The following CREBRF variants were observed in gnomAD, a reference collection of about 807,000 sequenced individuals.
The protein encoded by CREBRF is CREB3 regulatory factor.
CREBRF carries 5 observed loss-of-function variants against 66.1 expected under a neutral mutation model. The observed-to-expected ratio is 0.08, with a 90% CI of 0.04 to 0.16. The LOEUF (loss-of-function observed/expected upper bound fraction) is 0.16. Among genes scored for constraint, CREBRF ranks in the 10% least tolerant of loss-of-function variants. The pLI is 1.00. For missense variants in CREBRF, 531 were observed against 744.9 expected, an observed-to-expected ratio of 0.71 and a Z score of 3.34; for synonymous variants, 229 against 264.4, an observed-to-expected ratio of 0.87 and a Z score of 1.30.
intron 4 of CREBRF, among the ~76,000 whole-genome samples, chr5:173,099,265 C>A (rs970099420): frequency 2.6e-5 from 4 of 152,116 alleles, no homozygotes; most frequent in African/African-American, 7.2e-5. Context: ...AAGCAATCTT[C>A]CCACCTCAGT....
At chr5:173,057,766 A>T (rs1440339400) in intron 1 of CREBRF, 2 of 152,044 alleles carry the variant, frequency 1.3e-5, no homozygotes, top group Non-Finnish European at 2.9e-5. Context: ...TTGTAAAAGA[A>T]AACGGGACTA....
intron 1 of CREBRF, among the ~76,000 whole-genome samples, chr5:173,077,570 T>TA (rs1353978417): frequency 3.3e-5 from 5 of 152,138 alleles, no homozygotes; most frequent in Non-Finnish European, 5.9e-5. Flanking sequence ...TTTTTGTATT[T>TA]TTAGTAGAGA....
chr5:173,105,947 T>A (rs1377694569), intron 4 of CREBRF, among the ~76,000 whole-genome samples: 1 of 152,182 alleles, frequency 6.6e-6, no homozygotes, highest in Non-Finnish European at 1.5e-5. Context: ...CCATTTCTGT[T>A]GGCAACATAT....
Position 173,129,260 on chromosome 5 carries a change from G to T in CREBRF, c.1805-4370G>T, listed in dbSNP as rs577705540. Among the ~76,000 whole-genome samples, 364 of 150,996 alleles carry T rather than the reference G, an allele frequency of 2.4e-3. 1 individual carries two copies. The highest frequency in any genetic ancestry group is 8.0e-3 in the African/African-American group (331 of 41,148). On this transcript the variant is annotated intron_variant, in intron 8 of 8. Transcript: ENST00000296953. ...GCCTCCCGAGTAGCTGGGACTACAG[G>T]CACCTGCCACTGCGCCCGGCTAATT... is the stretch of plus-strand genomic sequence containing the variant.
At chr5:173,059,145 TTAA>T (rs1757179132) in intron 1 of CREBRF, among the ~76,000 whole-genome samples, 1 of 152,100 alleles carries the variant, frequency 6.6e-6, no homozygotes, top group South Asian at 2.1e-4. Context: ...CTCAGTTCTG[TTAA>T]TAATGATACA....
In CREBRF at chr5:173,108,821, AAG is replaced by A. The variant is rs1392984701; in HGVS notation, c.1417+6_1417+7del. 6.2e-7 allele frequency: 1 copy of A among 1,609,122 alleles called. No individual in the cohort carries two copies. Among genetic ancestry groups the A allele is most frequent in the African/African-American group, 1.3e-5 (1 of 74,676 alleles). ...TCAGAAAAATGGCTTACATCATGGT[AAG>A]AGGGGATTGCAGTCAGATATTTAGT... On this transcript the variant is annotated splice_donor_5th_base_variant and intron_variant, in intron 5 of 8. Transcript: ENST00000296953.
chr5:173,098,164 A>G (rs944680797), intron 4 of CREBRF, among the ~76,000 whole-genome samples: 8 of 143,072 alleles, frequency 5.6e-5, no homozygotes, highest in African/African-American at 2.0e-4. Flanking sequence ...ATTTCTACCT[A>G]TTTGTCAATT....
chr5:173,110,746 G>A (rs757904559), intron 6 of CREBRF, 35 bp downstream of exon 6: 15 of 1,539,788 alleles, frequency 9.7e-6, no homozygotes, highest in Non-Finnish European at 1.3e-5. Flanking sequence ...TGTGAAGAAA[G>A]TTTAGGAGGT....
intron 4 of CREBRF, chr5:173,091,813 A>G (rs762231252): frequency 2.3e-5 from 23 of 988,100 alleles, no homozygotes; most frequent in Non-Finnish European, 2.6e-5. Flanking sequence ...GGCCAGGCGC[A>G]GTGGCTCACG....
intron 7 of CREBRF, among the ~76,000 whole-genome samples, chr5:173,120,508 T>G (rs1759113717): frequency 6.6e-6 from 1 of 151,128 alleles, no homozygotes; most frequent in Non-Finnish European, 1.5e-5. Context: ...GTCTCCTGAG[T>G]AGCTGGGATT....
At chr5:173,121,007 T>C (rs909228648) in intron 7 of CREBRF, among the ~76,000 whole-genome samples, 10 of 152,088 alleles carry the variant, frequency 6.6e-5, no homozygotes, top group African/African-American at 2.4e-4. Context: ...TGGCTTCTTA[T>C]GTGGATTTTA....
At chr5:173,107,064 A>G (rs1456587683) in intron 4 of CREBRF, among the ~76,000 whole-genome samples, 1 of 152,090 alleles carries the variant, frequency 6.6e-6, no homozygotes. Context: ...ATATTCTTTT[A>G]TAGTCATCCC....
At chr5:173,115,108 C>CTT (rs751890606) in intron 7 of CREBRF, among the ~76,000 whole-genome samples, 2 of 140,286 alleles carry the variant, frequency 1.4e-5, no homozygotes, top group African/African-American at 2.6e-5. Context: ...TTTTCTTTTT[C>CTT]TTTTTTTTTT....
At chr5:173,098,941 A>G (rs1464776223) in intron 4 of CREBRF, among the ~76,000 whole-genome samples, 1 of 148,594 alleles carries the variant, frequency 6.7e-6, no homozygotes, top group African/African-American at 2.5e-5. Flanking sequence ...GTGCACCAGT[A>G]CTATCACAGC....
rs1045923236 is a variant in CREBRF, at chr5:173,130,534, T to C, written c.1805-3096T>C. 3.9e-5 allele frequency among the ~76,000 whole-genome samples: 6 copies of C among 152,044 alleles called. No individual in the cohort carries two copies. The East Asian group carries it at 9.6e-4, about 24-fold the overall frequency. On this transcript the variant is annotated intron_variant, in intron 8 of 8. Transcript: ENST00000296953. ...CTGTTCTTTAAAATTCATTGCTTTT[T>C]TTTTTTTTAGAAACCAGTCTCGCTC...
In CREBRF at chr5:173,136,969, A is replaced by AT. The variant is rs1284086574; in HGVS notation, c.*3224_*3225insT. The stretch of plus-strand genomic sequence containing the variant: ...GTACTACTATGATTTAAAAAAAAAA[A>AT]AAACCAACAAAAACCTTTTTTCCTA... On this transcript the variant is annotated 3_prime_UTR_variant, in exon 9 of 9. Coordinates refer to ENST00000296953, the MANE Select transcript of CREBRF (RefSeq NM_153607.3). 1 of 152,174 alleles carries AT rather than the reference A, an allele frequency of 6.6e-6. No homozygotes were observed. The allele number at this position is 152,174 out of a possible 1,614,324, so 9.4% of individuals were successfully genotyped here. A position where few individuals can be genotyped will look rare whatever the true frequency, so the allele number is the denominator to read the frequency against.
chr5:173,133,911 T>A lies in CREBRF; in HGVS notation c.*166T>A. ...TAAGTGAAGCATGATCCAAAATACT[T>A]GATTATTGCATTTTCAGAGCATAAA... is the stretch of plus-strand genomic sequence containing the variant. On this transcript the variant is annotated 3_prime_UTR_variant, in exon 9 of 9. Coordinates refer to ENST00000296953, the MANE Select transcript of CREBRF (RefSeq NM_153607.3). 1 of 444,142 alleles carries A rather than the reference T, an allele frequency of 2.3e-6. No individual in the cohort carries two copies. Among genetic ancestry groups the A allele is most frequent in the Non-Finnish European group, 4.0e-6 (1 of 247,714 alleles). 27.5% of individuals were successfully genotyped at this position (444,142 alleles called of 1,614,324 possible).
chr5:173,127,339 G>A (rs755710761), intron 8 of CREBRF, among the ~76,000 whole-genome samples: 3 of 151,508 alleles, frequency 2.0e-5, no homozygotes, highest in African/African-American at 4.8e-5. Context: ...TAATGGAGAC[G>A]GGGTTTCACC....
At chr5:173,114,189 G>T (rs1758932274) in intron 7 of CREBRF, among the ~76,000 whole-genome samples, 1 of 152,090 alleles carries the variant, frequency 6.6e-6, no homozygotes, top group Non-Finnish European at 1.5e-5. Context: ...TTATTTAATA[G>T]CCACTCAGTA....
Sources: allele counts gnomAD v4.1 joint callset (sites outside exome capture counted in the v4.1 genomes callset), GRCh38; gene constraint gnomAD v4.1.1; transcripts MANE v1.5; gene names NCBI Gene and HGNC (gene_info 2026-07-23, HGNC 2026-07-21).